Variants in CUX2 observed in about 807,000 individuals in gnomAD.
CUX2 encodes the protein cut like homeobox 2.
In CUX2, 40 loss-of-function variants were observed where a neutral mutation model predicts 144.8. That is an observed-to-expected ratio of 0.28 (90% CI 0.21 to 0.36). The LOEUF (loss-of-function observed/expected upper bound fraction) is 0.36, where lower values mean the gene tolerates loss of function less well. Among genes scored for constraint, CUX2 ranks in the 10% least tolerant of loss-of-function variants. The pLI, the probability that CUX2 is intolerant of heterozygous loss-of-function variation, is 1.00. For missense variants in CUX2, 1,615 were observed against 1,994.0 expected (o/e 0.81, Z 3.62); for synonymous variants, 827 against 875.6 (o/e 0.94, Z 0.98).
intron 1 of CUX2, among the ~76,000 whole-genome samples, chr12:111,051,987 C>A (rs531716629): frequency 1.3e-4 from 20 of 152,040 alleles, no homozygotes; most frequent in East Asian, 7.7e-4. Context: ...TTTCAGCATG[C>A]CTTTCATTCT....
rs1870586310 is a variant in CUX2, at chr12:111,057,581, C to T, written c.63+23341C>T. On this transcript the variant is annotated intron_variant, in intron 1 of 21. Coordinates refer to ENST00000261726, the MANE Select transcript of CUX2 (RefSeq NM_015267.4). The surrounding 1 kb of genome is among the most constrained non-coding windows in gnomAD (Gnocchi z 5.1). ...CACGGGCCCCATCTTTCTCCCTGCC[C>T]TAGCCTCCACCATCTTCCTGTCTTC... Among the ~76,000 whole-genome samples, 1 of 152,108 alleles carries T rather than the reference C, an allele frequency of 6.6e-6. No individual in the cohort carries two copies.
intron 1 of CUX2, among the ~76,000 whole-genome samples, chr12:111,148,917 A>G (rs1029125442): frequency 1.3e-5 from 2 of 151,492 alleles, no homozygotes; most frequent in Admixed American, 6.6e-5. Flanking sequence ...GGATTGCTTG[A>G]CCCCAGGAGT....
At chr12:111,075,678 TG>T (rs1871495422) in intron 1 of CUX2, among the ~76,000 whole-genome samples, 1 of 152,172 alleles carries the variant, frequency 6.6e-6, no homozygotes, top group African/African-American at 2.4e-5. Flanking sequence ...ATTGTAGGCC[TG>T]GCATTATTCT....
At chr12:111,087,646 A>G (rs935585548) in intron 1 of CUX2, among the ~76,000 whole-genome samples, 2 of 152,080 alleles carry the variant, frequency 1.3e-5, no homozygotes, top group African/African-American at 2.4e-5. Flanking sequence ...TTGTTCAGTC[A>G]TTTTGTTTTG....
chr12:111,201,749 T>C (rs1211900871), intron 1 of CUX2, among the ~76,000 whole-genome samples: 1 of 152,124 alleles, frequency 6.6e-6, no homozygotes, highest in Non-Finnish European at 1.5e-5. Context: ...TCCCACAGAC[T>C]TTCTTCCCAC....
Position 111,298,555 on chromosome 12 carries a change from GC to G in CUX2, c.721del (p.Leu241Ter). ...EEAASKADEV[G>X]LIMTNLEKAN... Reference sequence around the variant, plus strand: ...TTGTGTCTCAGGGCAGATGAAGTCGGCCTGATCATGACCAACCTGGAGAAAG... The same window carrying G: ...TTGTGTCTCAGGGCAGATGAAGTCGGCTGATCATGACCAACCTGGAGAAAG... On this transcript the variant is annotated frameshift_variant, in exon 9 of 22. Transcript: ENST00000261726. LOFTEE classifies it high-confidence loss of function. 1 of 1,579,948 alleles carries G rather than the reference GC, an allele frequency of 6.3e-7. No individual in the cohort carries two copies. Among genetic ancestry groups the G allele is most frequent in the South Asian group, 1.2e-5 (1 of 86,424 alleles).
chr12:111,311,859 G>A (rs111266168), intron 15 of CUX2, among the ~76,000 whole-genome samples: 14,278 of 151,940 alleles, frequency 0.094, 1,067 homozygotes, highest in African/African-American at 0.21. Context: ...CGGACTCCCA[G>A]AGTGCTGGGA....
Position 111,160,616 on chromosome 12 carries a change from G to A in CUX2, c.64-53584G>A, listed in dbSNP as rs1877695761. Among the ~76,000 whole-genome samples the A allele has an allele frequency of 6.6e-6, 1 of 152,164 alleles. No homozygotes were observed. The highest frequency in any genetic ancestry group is 2.4e-5 in the African/African-American group (1 of 41,440). ...TCTCCTTGGCCACACGAAGGGGCCT[G>A]GGTTTTTGTCTCCATGTCCAGGGAG... is the stretch of plus-strand genomic sequence containing the variant. On this transcript the variant is annotated intron_variant, in intron 1 of 21. Coordinates refer to ENST00000261726, the MANE Select transcript of CUX2 (RefSeq NM_015267.4). This position sits in a 1 kb window ranked among gnomAD's most constrained non-coding sequence, Gnocchi z 4.1.
At chr12:111,253,317 C>T (rs1040453728) in intron 3 of CUX2, among the ~76,000 whole-genome samples, 5 of 151,400 alleles carry the variant, frequency 3.3e-5, no homozygotes, top group Admixed American at 1.3e-4. Context: ...ACTCACCTCC[C>T]GACCCCCTTT....
intron 16 of CUX2, among the ~76,000 whole-genome samples, chr12:111,319,465 A>G (rs546426443): frequency 3.3e-5 from 5 of 152,210 alleles, no homozygotes; most frequent in East Asian, 3.9e-4. Context: ...CAGGCCGGGC[A>G]CTGTGGTTCA....
At chr12:111,154,217 G>A (rs1313302359) in intron 1 of CUX2, among the ~76,000 whole-genome samples, 4 of 151,842 alleles carry the variant, frequency 2.6e-5, no homozygotes. Context: ...TCGGTGAAGG[G>A]GACAAGAAAG....
intron 9 of CUX2, among the ~76,000 whole-genome samples, chr12:111,301,202 A>G (rs1886276123): frequency 6.6e-6 from 1 of 152,222 alleles, no homozygotes; most frequent in Non-Finnish European, 1.5e-5. Context: ...TATTAATACT[A>G]TTTTAATGAG....
intron 1 of CUX2, among the ~76,000 whole-genome samples, chr12:111,047,809 G>A (rs1463854180): frequency 2.6e-5 from 4 of 152,234 alleles, no homozygotes; most frequent in African/African-American, 9.6e-5. Flanking sequence ...GACAGAAATA[G>A]AAAGAATGGA....
rs750270262 is a variant in CUX2 at position 111,134,620 on chromosome 12, C to CTGTG, written c.64-79554_64-79551dup. On this transcript the variant is annotated intron_variant, in intron 1 of 21. Coordinates refer to ENST00000261726, the MANE Select transcript of CUX2 (RefSeq NM_015267.4). ...TCTCTCTCTCTCTCTCTCTCTCTCT[C>CTGTG]TGTGTGTGTGTGTGTGTGTGTGTGT... Among the ~76,000 whole-genome samples, 334 of 142,200 alleles carry CTGTG rather than the reference C, an allele frequency of 2.3e-3. 1 individual carries two copies. The highest frequency in any genetic ancestry group is 0.011 in the Middle Eastern group (3 of 282). 93.3% of individuals were successfully genotyped at this position (142,200 alleles called of 152,430 possible). A position where few individuals can be genotyped will look rare whatever the true frequency, so the allele number is the denominator to read the frequency against.
At chr12:111,159,443 C>A (rs1229601793) in intron 1 of CUX2, among the ~76,000 whole-genome samples, 2 of 152,128 alleles carry the variant, frequency 1.3e-5, no homozygotes, top group Non-Finnish European at 2.9e-5. Flanking sequence ...AGCTACTGAG[C>A]CCAGCCACCT....
intron 3 of CUX2, among the ~76,000 whole-genome samples, chr12:111,232,531 A>T (rs1882528280): frequency 6.6e-6 from 1 of 152,156 alleles, no homozygotes; most frequent in South Asian, 2.1e-4. Context: ...AAATAAAAGT[A>T]TACAGGAGGA....
rs1044334713 is a variant in CUX2, at chr12:111,246,775, G to A, written c.223-16986G>A. Among the ~76,000 whole-genome samples the A allele has an allele frequency of 6.6e-6, 1 of 152,050 alleles. No homozygotes were observed. The highest frequency in any genetic ancestry group is 1.9e-4 in the East Asian group (1 of 5,186). On this transcript the variant is annotated intron_variant, in intron 3 of 21. Transcript: ENST00000261726. The surrounding 1 kb of genome is among the most constrained non-coding windows in gnomAD (Gnocchi z 4.0). ...CTGCTCTCCCTCCTGTTGAATCAAC[G>A]GCCTGCCTCTCTTGTGTGAGCCTGT...
chr12:111,075,479 C>T (rs566368633), intron 1 of CUX2, among the ~76,000 whole-genome samples: 1 of 152,124 alleles, frequency 6.6e-6, no homozygotes, highest in African/African-American at 2.4e-5. Context: ...AGGCTGTTTG[C>T]GATGGGATAA....
intron 1 of CUX2, among the ~76,000 whole-genome samples, chr12:111,134,160 A>ATCTCTAAACTCATCCTTTTC (rs1310481999): frequency 2.0e-5 from 3 of 152,068 alleles, no homozygotes; most frequent in Non-Finnish European, 2.9e-5. Flanking sequence ...GGTAACTTAA[A>ATCTCTAAACTCATCCTTTTC]TCTCTAAACT....
Sources: gnomAD v4.1 joint callset for allele counts (sites outside exome capture counted in the v4.1 genomes callset) on GRCh38, gnomAD v4.1.1 for gene constraint, Gnocchi (gnomAD v3.1) non-coding constraint, MANE v1.5 for transcripts, NCBI Gene and HGNC (gene_info 2026-07-23, HGNC 2026-07-21) for gene names.